The following MYL1 variants were observed in gnomAD, a reference collection of about 807,000 sequenced individuals.
The protein encoded by MYL1 is myosin light chain 1.
A neutral mutation model predicts 21.8 loss-of-function variants in MYL1; 16 were observed. The ratio of observed to expected loss-of-function variants is 0.74; its 90% CI spans 0.50 to 1.12. The LOEUF is 1.12. MYL1 is among the 50% of genes most tolerant of loss of function. The pLI is 0.00. For synonymous variants in MYL1, 99 were observed against 85.2 expected (o/e 1.16, Z -0.89); for missense variants, 246 against 241.0 (o/e 1.02, Z -0.14).
rs1250907173 is a variant in MYL1, at chr2:210,290,353, T to A, written c.*129A>T. ...TATAAAAATTCAGGGAGTTGCTCAGTCTTGAACCGTCCAGATTGCTTTGTT... is the reference window on the plus strand; with the variant it reads ...TATAAAAATTCAGGGAGTTGCTCAGACTTGAACCGTCCAGATTGCTTTGTT... On this transcript the variant is annotated 3_prime_UTR_variant, in exon 7 of 7. Coordinates refer to ENST00000352451, the MANE Select transcript of MYL1 (RefSeq NM_079420.3). 1 of 152,176 alleles carries A rather than the reference T, an allele frequency of 6.6e-6. No homozygotes were observed. The highest frequency in any genetic ancestry group is 1.5e-5 in the Non-Finnish European group (1 of 68,030). The allele number at this position is 152,176 out of a possible 1,614,324, so 9.4% of individuals were successfully genotyped here.
chr2:210,305,149 G>C (rs987814551), intron 1 of MYL1, among the ~76,000 whole-genome samples: 1 of 152,148 alleles, frequency 6.6e-6, no homozygotes, highest in Non-Finnish European at 1.5e-5. Context: ...CATATACTTT[G>C]TAACTTCTCC....
chr2:210,305,467 C>A (rs1208701193), intron 1 of MYL1, among the ~76,000 whole-genome samples: 2 of 152,014 alleles, frequency 1.3e-5, no homozygotes, highest in African/African-American at 2.4e-5. Context: ...TAATTTTTGA[C>A]ATAAATGAAA....
chr2:210,294,136 A>T, intron 4 of MYL1, 109 bp downstream of exon 4: 1 of 1,192,490 alleles, frequency 8.4e-7, no homozygotes, highest in Non-Finnish European at 1.1e-6. Context: ...TTTTTTTCCC[A>T]TTTTCCCTTT....
rs538997834 is a variant in MYL1 at position 210,309,813 on chromosome 2, A to G, written c.132+5098T>C. ...AAATGCCGAGAGCTAAATTTGGCAC[A>G]GTCACTTTATGGTCTCTTTGTCTTG... On this transcript the variant is annotated intron_variant, in intron 1 of 6. Transcript: ENST00000352451. Among the ~76,000 whole-genome samples, 89 of 152,182 alleles carry G rather than the reference A, an allele frequency of 5.8e-4. 2 individuals carry two copies. In the South Asian group the frequency reaches 0.018, roughly 30 times the overall value.
chr2:210,299,549 G>A (rs1690232474), intron 2 of MYL1, among the ~76,000 whole-genome samples: 1 of 152,026 alleles, frequency 6.6e-6, no homozygotes, highest in African/African-American at 2.4e-5. Context: ...ATATTTTAAA[G>A]TGTTCTCTAT....
chr2:210,303,172 G>A (rs1000926490), intron 1 of MYL1, among the ~76,000 whole-genome samples: 9 of 152,068 alleles, frequency 5.9e-5, no homozygotes, highest in Non-Finnish European at 1.3e-4. Flanking sequence ...AAAACCCAAT[G>A]CATCAAAAGC....
intron 3 of MYL1, among the ~76,000 whole-genome samples, chr2:210,295,000 A>C (rs2125739173): frequency 6.6e-6 from 1 of 152,082 alleles, no homozygotes; most frequent in East Asian, 1.9e-4. Flanking sequence ...TTACAAGGAG[A>C]GAGTGTGTGT....
At chr2:210,314,364 G>T (rs995165543) in intron 1 of MYL1, among the ~76,000 whole-genome samples, 1 of 152,128 alleles carries the variant, frequency 6.6e-6, no homozygotes, top group South Asian at 2.1e-4. Flanking sequence ...CTCATTTAGT[G>T]TTGTATCAAA....
intron 2 of MYL1, among the ~76,000 whole-genome samples, chr2:210,300,478 G>A (rs529334174): frequency 1.3e-5 from 2 of 152,236 alleles, no homozygotes; most frequent in South Asian, 4.1e-4. Context: ...CAGTGACAGA[G>A]TGGAGTTGTT....
chr2:210,305,265 G>A (rs1197669058), intron 1 of MYL1, among the ~76,000 whole-genome samples: 3 of 152,132 alleles, frequency 2.0e-5, no homozygotes, highest in African/African-American at 7.2e-5. Context: ...CCAAAATGAA[G>A]ATTGAAAATA....
intron 1 of MYL1, among the ~76,000 whole-genome samples, chr2:210,307,736 A>G (rs1200716071): frequency 1.3e-5 from 2 of 152,174 alleles, no homozygotes; most frequent in Non-Finnish European, 2.9e-5. Flanking sequence ...TTTTATTACA[A>G]TGTTTACAAA....
At chr2:210,303,608 C>T (rs1006019937) in intron 1 of MYL1, 2 of 1,595,982 alleles carry the variant, frequency 1.3e-6, no homozygotes, top group African/African-American at 1.4e-5. Flanking sequence ...CTGCTCCGGT[C>T]CCTGAGTGGG....
At chr2:210,292,769 T>G (rs1005353708) in intron 5 of MYL1, among the ~76,000 whole-genome samples, 2 of 152,238 alleles carry the variant, frequency 1.3e-5, no homozygotes, top group South Asian at 2.1e-4. Flanking sequence ...ACATTTCACA[T>G]GTAAATTATT....
At position 210,294,364 on chromosome 2, in the gene MYL1, A is replaced by G; in HGVS notation, c.359T>C (p.Ile120Thr). ...GGTGGCCTGGTCCTTGTTGTTGGAAATGGCTTGCATCATAGGCAGAAATTG... is the reference window on the plus strand; with the variant it reads ...GGTGGCCTGGTCCTTGTTGTTGGAAGTGGCTTGCATCATAGGCAGAAATTG... ...FEQFLPMMQAISNNKDQATYE... is the reference protein window; with the variant it reads ...FEQFLPMMQATSNNKDQATYE... Residue 120 changes from isoleucine (I) to threonine (T), a missense_variant, in exon 4 of 7, where the codon ATT becomes ACT. Physicochemically the swap from Ile to Thr is moderately conservative, Grantham distance 89. Coordinates refer to ENST00000352451, the MANE Select transcript of MYL1 (RefSeq NM_079420.3). The G allele has an allele frequency of 6.2e-7, 1 of 1,614,026 alleles. No homozygotes were observed. The highest frequency in any genetic ancestry group is 8.5e-7 in the Non-Finnish European group (1 of 1,179,936).
chr2:210,295,582 G>A (rs1690160944), intron 3 of MYL1, among the ~76,000 whole-genome samples: 1 of 152,116 alleles, frequency 6.6e-6, no homozygotes, highest in African/African-American at 2.4e-5. Flanking sequence ...GGAGGTGGAG[G>A]TTGTTGTGAG....
chr2:210,302,673 A>C, intron 1 of MYL1, 158 bp from the exon 2 acceptor site: 1 of 1,518,446 alleles, frequency 6.6e-7, no homozygotes, highest in Non-Finnish European at 8.9e-7. Flanking sequence ...CTAACAGGTT[A>C]AGCCATAGTG....
intron 5 of MYL1, among the ~76,000 whole-genome samples, chr2:210,291,522 G>A (rs113922126): frequency 1.1e-4 from 17 of 152,244 alleles, no homozygotes; most frequent in African/African-American, 3.6e-4. Context: ...CCTTTTTACT[G>A]CTAAATTGAC....
chr2:210,302,512 C>G lies in MYL1; in HGVS notation c.136G>C (p.Glu46Gln). 6.2e-7 allele frequency: 1 copy of G among 1,609,180 alleles called. No individual in the cohort carries two copies. ...EKIDLSAIKI[E>Q]FSKEQQDEFK... ...CCATCCTGCTGTTCCTTAGAGAACT[C>G]GATCTGTTAGAAAGAAATTGACCAC... The change falls in exon 2 of 7, where the codon GAG (glutamate) becomes CAG (glutamine). Residue 46 changes from glutamate (E) to glutamine (Q), a missense_variant. By Grantham distance (29) the Glu-to-Gln change is conservative. Coordinates refer to ENST00000352451, the MANE Select transcript of MYL1 (RefSeq NM_079420.3).
At chr2:210,306,769 G>A (rs1377125042) in intron 1 of MYL1, among the ~76,000 whole-genome samples, 1 of 151,524 alleles carries the variant, frequency 6.6e-6, no homozygotes. Context: ...CCAGGCTGGA[G>A]TAAAATGGCG....
Sources: allele counts gnomAD v4.1 joint callset (sites outside exome capture counted in the v4.1 genomes callset), GRCh38; gene constraint gnomAD v4.1.1; transcripts MANE v1.5; gene names NCBI Gene and HGNC (gene_info 2026-07-23, HGNC 2026-07-21).